TMEM50A: variants seen among roughly 807,000 people sequenced by gnomAD.
The protein encoded by TMEM50A is transmembrane protein 50A, also known as cervical cancer oncogene 9.
Under a neutral mutation model 23.9 loss-of-function variants are expected in TMEM50A, and 8 were observed. The observed-to-expected ratio is 0.33, with a 90% CI of 0.20 to 0.60. The LOEUF is 0.60. TMEM50A is among the 20% of genes least tolerant of loss of function. The pLI is 0.81. For synonymous variants in TMEM50A, 55 were observed against 60.4 expected (o/e 0.91, Z 0.41); for missense variants, 178 against 192.7 (o/e 0.92, Z 0.45).
chr1:25,356,400 T>C (rs1055167325), intron 5 of TMEM50A, among the ~76,000 whole-genome samples: 1 of 152,210 alleles, frequency 6.6e-6, no homozygotes, highest in African/African-American at 2.4e-5. Context: ...AGTGTCACCT[T>C]CTCATGGGGT....
rs1157576329 is a variant in TMEM50A, at chr1:25,354,195, GCC to G, written c.367+1223_367+1224del. 2.4e-4 allele frequency among the ~76,000 whole-genome samples: 37 copies of G among 152,038 alleles called. 1 individual carries two copies. Among genetic ancestry groups the G allele is most frequent in the Admixed American group, 2.4e-3 (37 of 15,256 alleles). On this transcript the variant is annotated intron_variant, in intron 5 of 6. Transcript: ENST00000374358. The stretch of plus-strand genomic sequence containing the variant: ...TGTAGAGATGGGGCTTCACCATGTT[GCC>G]CAGGCTGGTCTCAAACTCCTGGGCT...
intron 3 of TMEM50A, among the ~76,000 whole-genome samples, chr1:25,350,493 A>G (rs1447450603): frequency 1.3e-5 from 2 of 152,052 alleles, no homozygotes; most frequent in African/African-American, 2.4e-5. Flanking sequence ...GGTTCAAGCA[A>G]TTCTCCTGCC....
intron 2 of TMEM50A, among the ~76,000 whole-genome samples, chr1:25,341,270 T>G (rs1645165211): frequency 6.6e-6 from 1 of 152,156 alleles, no homozygotes; most frequent in African/African-American, 2.4e-5. Flanking sequence ...TTTTTTGGTT[T>G]TTTTTGAGAC....
At chr1:25,339,645 T>C (rs1324504372) in intron 1 of TMEM50A, among the ~76,000 whole-genome samples, 1 of 152,216 alleles carries the variant, frequency 6.6e-6, no homozygotes. Context: ...GTAATTCCAC[T>C]CAGAGCCAAA....
At chr1:25,344,320 T>G (rs1440037456) in intron 3 of TMEM50A, among the ~76,000 whole-genome samples, 1 of 152,348 alleles carries the variant, frequency 6.6e-6, no homozygotes, top group East Asian at 1.9e-4. Flanking sequence ...AATGACCTTA[T>G]ATTTTAATAG....
At position 25,362,342 on chromosome 1, in the gene TMEM50A, T is replaced by G; in HGVS notation, c.*1637T>G. 1 of 1,335,040 alleles carries G rather than the reference T, an allele frequency of 7.5e-7. No homozygotes were observed. The highest frequency in any genetic ancestry group is 1.3e-5 in the South Asian group (1 of 75,096). The allele number at this position is 1,335,040 out of a possible 1,614,324, so 82.7% of individuals were successfully genotyped here. A position where few individuals can be genotyped will look rare whatever the true frequency, so the allele number is the denominator to read the frequency against. On this transcript the variant is annotated 3_prime_UTR_variant, in exon 7 of 7. Coordinates refer to ENST00000374358, the MANE Select transcript of TMEM50A (RefSeq NM_014313.4). ...AACTAAACATTTATTTTAAACTTAT[T>G]AAATTGACTCTTAAACTAAGTTTTT...
At chr1:25,359,952 T>TA (rs1466998592) in intron 6 of TMEM50A, among the ~76,000 whole-genome samples, 2 of 152,174 alleles carry the variant, frequency 1.3e-5, no homozygotes, top group African/African-American at 2.4e-5. Flanking sequence ...CCCCCACACT[T>TA]ACCACATCAC....
At chr1:25,348,482 C>A (rs941380220) in intron 3 of TMEM50A, among the ~76,000 whole-genome samples, 2 of 152,026 alleles carry the variant, frequency 1.3e-5, no homozygotes, top group Non-Finnish European at 2.9e-5. Flanking sequence ...GTCAGGAGAT[C>A]GAGACCATCC....
chr1:25,360,145 C>G (rs1388902987), intron 6 of TMEM50A, among the ~76,000 whole-genome samples: 1 of 152,056 alleles, frequency 6.6e-6, no homozygotes, highest in African/African-American at 2.4e-5. Context: ...GTCAGGAGAT[C>G]GAGACCATCT....
At chr1:25,354,918 C>A (rs568259874) in intron 5 of TMEM50A, among the ~76,000 whole-genome samples, 3 of 152,006 alleles carry the variant, frequency 2.0e-5, no homozygotes, top group Admixed American at 1.3e-4. Flanking sequence ...ATTACAGGCG[C>A]CTGCCGCCAT....
chr1:25,358,718 T>G (rs1484077457), intron 6 of TMEM50A, among the ~76,000 whole-genome samples: 2 of 152,242 alleles, frequency 1.3e-5, no homozygotes, highest in Admixed American at 1.3e-4. Context: ...GACTGGTCCC[T>G]GGCTCTTGCC....
rs1243738356 is a variant in TMEM50A at position 25,351,623 on chromosome 1, C to T, written c.207-3C>T. On this transcript the variant is annotated splice_region_variant and splice_polypyrimidine_tract_variant and intron_variant, in intron 3 of 6. Transcript: ENST00000374358. ...ATTTCTTGGTTTTATTTTATTCATA[C>T]AGGATTAATGCAGTATCGAATGGAC... 6.2e-7 allele frequency: 1 copy of T among 1,600,052 alleles called. No individual in the cohort carries two copies. The highest frequency in any genetic ancestry group is 1.8e-5 in the Admixed American group (1 of 56,048).
rs963849337 is a variant in TMEM50A at position 25,362,034 on chromosome 1, G to A, written c.*1329G>A. Reference sequence around the variant, plus strand: ...GTGCATCCCCCCACCCTACAACTGAGCACAACCTCTTTCCCCACAGTGCAA... The same window carrying A: ...GTGCATCCCCCCACCCTACAACTGAACACAACCTCTTTCCCCACAGTGCAA... On this transcript the variant is annotated 3_prime_UTR_variant, in exon 7 of 7. Coordinates refer to ENST00000374358, the MANE Select transcript of TMEM50A (RefSeq NM_014313.4). The A allele has an allele frequency of 6.4e-5, 16 of 251,594 alleles. No homozygotes were observed. The highest frequency in any genetic ancestry group is 7.0e-5 in the Non-Finnish European group (9 of 128,840). 15.6% of individuals were successfully genotyped at this position (251,594 alleles called of 1,614,324 possible).
chr1:25,350,083 AAAC>A (rs1419987043), intron 3 of TMEM50A, among the ~76,000 whole-genome samples: 2 of 152,256 alleles, frequency 1.3e-5, no homozygotes, highest in Non-Finnish European at 2.9e-5. Context: ...AGGATTTAAA[AAAC>A]AAGATTTTAC....
At chr1:25,347,676 G>GC (rs1179516708) in intron 3 of TMEM50A, among the ~76,000 whole-genome samples, 1 of 152,232 alleles carries the variant, frequency 6.6e-6, no homozygotes, top group African/African-American at 2.4e-5. Context: ...TCAGAGTAAA[G>GC]CAAGTGGCTA....
chr1:25,347,220 A>G (rs1234614461), intron 3 of TMEM50A, among the ~76,000 whole-genome samples: 2 of 151,388 alleles, frequency 1.3e-5, no homozygotes, highest in African/African-American at 4.9e-5. Context: ...ACCATTGTCC[A>G]TCAGCTTTCT....
At chr1:25,341,229 C>T (rs1645164277) in intron 2 of TMEM50A, among the ~76,000 whole-genome samples, 1 of 151,822 alleles carries the variant, frequency 6.6e-6, no homozygotes, top group Non-Finnish European at 1.5e-5. Flanking sequence ...TAGAGTTTTG[C>T]TCTTGTTTTT....
At chr1:25,357,074 G>C (rs137895588) in intron 6 of TMEM50A, among the ~76,000 whole-genome samples, 1 of 152,002 alleles carries the variant, frequency 6.6e-6, no homozygotes, top group African/African-American at 2.4e-5. Flanking sequence ...TTGCTACCAC[G>C]CCCCCTTTTA....
chr1:25,340,373 TTTCACTTTTATCTAATTA>T, intron 1 of TMEM50A, 83 bp from the exon 2 acceptor site: 1 of 694,866 alleles, frequency 1.4e-6, no homozygotes, highest in South Asian at 2.1e-5. Context: ...GCATTTGTAA[TTTCACTTTTATCTAATTA>T]TTCCTGAGCT....
Sources: allele counts gnomAD v4.1 joint callset (sites outside exome capture counted in the v4.1 genomes callset), GRCh38; gene constraint gnomAD v4.1.1; transcripts MANE v1.5; gene names NCBI Gene and HGNC (gene_info 2026-07-23, HGNC 2026-07-21).